Variants in GREB1L observed in about 807,000 individuals in gnomAD.
GREB1L encodes the protein GREB1-like protein.
A neutral mutation model predicts 200.8 loss-of-function variants in GREB1L; 17 were observed. That is an observed-to-expected ratio of 0.08 (90% CI 0.06 to 0.13). The LOEUF is 0.13. GREB1L is among the 10% of genes least tolerant of loss of function. GREB1L has a pLI of 1.00. For synonymous variants in GREB1L, 789 were observed against 893.0 expected, an observed-to-expected ratio of 0.88 and a Z score of 2.08; for missense variants, 1,657 against 2,367.7, an observed-to-expected ratio of 0.70 and a Z score of 6.23.
chr18:21,519,310 A>G (rs2037531684), intron 31 of GREB1L, among the ~76,000 whole-genome samples: 1 of 152,200 alleles, frequency 6.6e-6, no homozygotes, highest in African/African-American at 2.4e-5. Context: ...AAAAATAAAA[A>G]TAATTAGCCA....
At chr18:21,497,674 A>T (rs1473106506) in intron 21 of GREB1L, among the ~76,000 whole-genome samples, 2 of 151,922 alleles carry the variant, frequency 1.3e-5, no homozygotes, top group African/African-American at 4.8e-5. Flanking sequence ...GAGAGGGAAA[A>T]AAAAAGAAAG....
At position 21,430,541 on chromosome 18, in the gene GREB1L, G is replaced by A. The variant is rs1168569978; in HGVS notation, c.833-8980G>A. Reference sequence around the variant, plus strand: ...TTCACTTTTTCTAGTTTCTTAAGGTGATTGATTTGGGATCACTCTTAAGGT... The same window carrying A: ...TTCACTTTTTCTAGTTTCTTAAGGTAATTGATTTGGGATCACTCTTAAGGT... On this transcript the variant is annotated intron_variant, in intron 7 of 32. Coordinates refer to ENST00000424526, the MANE Select transcript of GREB1L (RefSeq NM_001142966.3). 5.1e-5 allele frequency among the ~76,000 whole-genome samples: 6 copies of A among 118,578 alleles called. No homozygotes were observed. In the Admixed American group the frequency reaches 5.1e-4, roughly 10 times the overall value. 77.8% of individuals were successfully genotyped at this position (118,578 alleles called of 152,430 possible).
At position 21,508,419 on chromosome 18, in the gene GREB1L, T is replaced by A; in HGVS notation, c.4563T>A (p.Thr1521=). The A allele has an allele frequency of 1.3e-6, 2 of 1,551,678 alleles. No individual in the cohort carries two copies. The highest frequency in any genetic ancestry group is 1.7e-6 in the Non-Finnish European group (2 of 1,146,998). Residue 1521 remains threonine, a synonymous_variant, in exon 27 of 33, where the codon ACT becomes ACA. Transcript: ENST00000424526. ...ATGCAGTCAAGAGCCCTATTTTCAC[T>A]CCTTCCAGTGGTCGACATGAGCACG... is the stretch of plus-strand genomic sequence containing the variant. ...NLNAVKSPIF[T]PSSGRHEHGL... is the part of the protein sequence containing the mutation.
intron 7 of GREB1L, among the ~76,000 whole-genome samples, chr18:21,414,882 A>C (rs2031471214): frequency 1.3e-5 from 2 of 152,174 alleles, no homozygotes; most frequent in Admixed American, 1.3e-4. Context: ...ACATTAAAAA[A>C]ATTTTAAATA....
chr18:21,307,096 A>G (rs912682661), intron 1 of GREB1L, among the ~76,000 whole-genome samples: 7 of 152,232 alleles, frequency 4.6e-5, no homozygotes, highest in Non-Finnish European at 8.8e-5. Context: ...TCCCACTGAC[A>G]TTCACAAATT....
In GREB1L at chr18:21,370,194, A is replaced by G. The variant is rs192204850; in HGVS notation, c.-10+4058A>G. On this transcript the variant is annotated intron_variant, in intron 2 of 32. Transcript: ENST00000424526. Reference sequence around the variant, plus strand: ...TCTCTTCAGACCTGTTTAATATATAATTGGATAAGACACAAAAGCTCAATT... The same window carrying G: ...TCTCTTCAGACCTGTTTAATATATAGTTGGATAAGACACAAAAGCTCAATT... Among the ~76,000 whole-genome samples the G allele has an allele frequency of 2.4e-4, 36 of 152,212 alleles. No homozygotes were observed. In the South Asian group the frequency reaches 2.5e-3, roughly 11 times the overall value.
chr18:21,466,546 C>T (rs1176828560), intron 15 of GREB1L, among the ~76,000 whole-genome samples: 1 of 151,910 alleles, frequency 6.6e-6, no homozygotes, highest in East Asian at 1.9e-4. Context: ...ATGAATTTGA[C>T]AAAAGAAGTG....
At chr18:21,360,569 G>A (rs2039568028) in intron 1 of GREB1L, among the ~76,000 whole-genome samples, 1 of 152,160 alleles carries the variant, frequency 6.6e-6, no homozygotes, top group African/African-American at 2.4e-5. Context: ...TTTGCCTATG[G>A]AGTCTCTAAA....
At chr18:21,335,981 A>T (rs2039179086) in intron 1 of GREB1L, among the ~76,000 whole-genome samples, 1 of 152,080 alleles carries the variant, frequency 6.6e-6, no homozygotes, top group Admixed American at 6.6e-5. Context: ...CATTTCTTAA[A>T]ATAATTTCAT....
chr18:21,432,604 G>T (rs2033239619), intron 7 of GREB1L, among the ~76,000 whole-genome samples: 1 of 148,522 alleles, frequency 6.7e-6, no homozygotes, highest in Admixed American at 6.7e-5. Flanking sequence ...GAATATTTCT[G>T]CTCAGAAGCA....
chr18:21,389,942 T>G (rs2040725003), intron 4 of GREB1L, among the ~76,000 whole-genome samples: 1 of 152,062 alleles, frequency 6.6e-6, no homozygotes, highest in Non-Finnish European at 1.5e-5. Flanking sequence ...AAGGATGAAG[T>G]TATAGGAGAG....
intron 15 of GREB1L, among the ~76,000 whole-genome samples, chr18:21,460,130 G>A (rs1306693737): frequency 1.3e-5 from 2 of 152,050 alleles, no homozygotes; most frequent in East Asian, 1.9e-4. Flanking sequence ...AGTTGATGCC[G>A]TACTAAATTC....
chr18:21,317,164 G>A lies in GREB1L; in HGVS notation c.-119-48863G>A, dbSNP rs114144957. On this transcript the variant is annotated intron_variant, in intron 1 of 32. Transcript: ENST00000424526. ...CTATGCAGGAGGATCCCTTCAGCCC[G>A]GAGGTTCAAGGCCAGCCTGGGCAAC... Among the ~76,000 whole-genome samples the A allele has an allele frequency of 9.6e-3, 1,453 of 152,056 alleles. 18 individuals carry two copies. Among genetic ancestry groups the A allele is most frequent in the African/African-American group, 0.032 (1,322 of 41,462 alleles).
intron 6 of GREB1L, among the ~76,000 whole-genome samples, chr18:21,402,958 TA>T (rs542534116): frequency 2.4e-4 from 37 of 151,986 alleles, no homozygotes; most frequent in Non-Finnish European, 4.6e-4. Flanking sequence ...TATATGCGTA[TA>T]TTACCTATTG....
At chr18:21,507,272 A>G (rs903381214) in intron 25 of GREB1L, among the ~76,000 whole-genome samples, 5 of 151,678 alleles carry the variant, frequency 3.3e-5, no homozygotes, top group African/African-American at 1.2e-4. Flanking sequence ...CTCTATTCAT[A>G]AAGTTTCTGT....
rs375454553 is a variant in GREB1L at position 21,399,788 on chromosome 18, A to G, written c.533-1362A>G. Among the ~76,000 whole-genome samples the G allele has an allele frequency of 5.9e-5, 9 of 152,346 alleles. No homozygotes were observed. The South Asian group carries it at 1.7e-3, about 28-fold the overall frequency. The stretch of plus-strand genomic sequence containing the variant: ...CAGTGTTTAGCAAAATGCCTAGCAT[A>G]TAGGTAGATGCTCAATAAATAGTTG... On this transcript the variant is annotated intron_variant, in intron 5 of 32. Transcript: ENST00000424526.
intron 7 of GREB1L, among the ~76,000 whole-genome samples, chr18:21,432,712 T>C (rs1157280878): frequency 1.4e-5 from 2 of 142,358 alleles, no homozygotes; most frequent in Non-Finnish European, 3.1e-5. Context: ...TTTCTTTTTT[T>C]TTTTTTTTTT....
chr18:21,335,615 T>A (rs1343136774), intron 1 of GREB1L, among the ~76,000 whole-genome samples: 1 of 152,058 alleles, frequency 6.6e-6, no homozygotes, highest in Admixed American at 6.6e-5. Flanking sequence ...TTTAAACTAA[T>A]CTTATGAAGG....
intron 19 of GREB1L, among the ~76,000 whole-genome samples, chr18:21,495,299 A>T (rs573731818): frequency 1.3e-5 from 2 of 152,304 alleles, no homozygotes; most frequent in African/African-American, 4.8e-5. Flanking sequence ...AATCCCAAGA[A>T]TTTCTCCAAT....
Sources: gnomAD v4.1 joint callset for allele counts (sites outside exome capture counted in the v4.1 genomes callset) on GRCh38, gnomAD v4.1.1 for gene constraint, MANE v1.5 for transcripts, NCBI Gene and HGNC (gene_info 2026-07-23, HGNC 2026-07-21) for gene names.